The following ARHGAP15 variants were observed in gnomAD, a reference collection of about 807,000 sequenced individuals.
The protein encoded by ARHGAP15 is Rho GTPase activating protein 15.
ARHGAP15 carries 51 observed loss-of-function variants against 63.7 expected under a neutral mutation model. The ratio of observed to expected loss-of-function variants is 0.80; its 90% CI spans 0.64 to 1.01. The LOEUF is 1.01. Ranked by LOEUF, ARHGAP15 falls within the 50% of genes least tolerant of loss-of-function variation. The pLI, the probability that ARHGAP15 is intolerant of heterozygous loss-of-function variation, is 0.00. For synonymous variants in ARHGAP15, 191 were observed against 193.8 expected, an observed-to-expected ratio of 0.99 and a Z score of 0.12; for missense variants, 560 against 564.6, an observed-to-expected ratio of 0.99 and a Z score of 0.08.
At chr2:143,665,186 G>A (rs1414594996) in intron 12 of ARHGAP15, among the ~76,000 whole-genome samples, 7 of 148,080 alleles carry the variant, frequency 4.7e-5, no homozygotes, top group African/African-American at 7.5e-5. Context: ...CTGGCAAAAC[G>A]AATCCAGCAG....
intron 10 of ARHGAP15, among the ~76,000 whole-genome samples, chr2:143,537,979 A>G (rs1443449020): frequency 6.6e-6 from 1 of 152,102 alleles, no homozygotes; most frequent in African/African-American, 2.4e-5. Context: ...CAGTATGGCC[A>G]TTTTCACGAT....
intron 6 of ARHGAP15, among the ~76,000 whole-genome samples, chr2:143,427,489 T>G (rs1024856577): frequency 6.6e-6 from 1 of 151,980 alleles, no homozygotes; most frequent in Admixed American, 6.6e-5. Context: ...AATTTTGAAC[T>G]TATGTTCCAG....
At chr2:143,381,127 C>A (rs999741163) in intron 6 of ARHGAP15, among the ~76,000 whole-genome samples, 5 of 152,056 alleles carry the variant, frequency 3.3e-5, no homozygotes, top group Non-Finnish European at 5.9e-5. Flanking sequence ...AGTCTAGTTG[C>A]GTGTATTTAA....
intron 2 of ARHGAP15, among the ~76,000 whole-genome samples, chr2:143,156,276 G>A (rs1004870332): frequency 3.3e-5 from 5 of 151,796 alleles, no homozygotes; most frequent in Middle Eastern, 3.2e-3. Context: ...CACGCATCCT[G>A]AGCCACTAAA....
intron 10 of ARHGAP15, among the ~76,000 whole-genome samples, chr2:143,520,857 T>G (rs970279024): frequency 8.5e-5 from 13 of 152,264 alleles, no homozygotes; most frequent in Non-Finnish European, 1.6e-4. Flanking sequence ...TAATAAGATG[T>G]GTGCATGTGT....
At chr2:143,563,471 CA>C (rs1696105982) in intron 11 of ARHGAP15, among the ~76,000 whole-genome samples, 1 of 152,030 alleles carries the variant, frequency 6.6e-6, no homozygotes, top group African/African-American at 2.4e-5. Context: ...TTCTTGGACA[CA>C]AAAAAGAAAA....
At chr2:143,486,904 A>G (rs979124684) in intron 8 of ARHGAP15, among the ~76,000 whole-genome samples, 2 of 152,216 alleles carry the variant, frequency 1.3e-5, no homozygotes, top group African/African-American at 2.4e-5. Context: ...AAATCACTTC[A>G]GGTTAATATA....
At chr2:143,739,612 C>A (rs1312142031) in intron 13 of ARHGAP15, among the ~76,000 whole-genome samples, 1 of 152,186 alleles carries the variant, frequency 6.6e-6, no homozygotes. Context: ...TTGATATTTT[C>A]TTGAGGTATT....
intron 9 of ARHGAP15, among the ~76,000 whole-genome samples, chr2:143,499,968 T>C (rs1038136299): frequency 6.6e-6 from 1 of 152,082 alleles, no homozygotes. Flanking sequence ...GCAATACTTA[T>C]ATAAAACAGG....
At chr2:143,133,670 A>C (rs1258930364) in intron 1 of ARHGAP15, among the ~76,000 whole-genome samples, 1 of 152,214 alleles carries the variant, frequency 6.6e-6, no homozygotes, top group African/African-American at 2.4e-5. Flanking sequence ...ATTTAAGAAT[A>C]GATGATATAG....
At chr2:143,285,340 T>C (rs1430671197) in intron 6 of ARHGAP15, among the ~76,000 whole-genome samples, 2 of 152,058 alleles carry the variant, frequency 1.3e-5, no homozygotes, top group Non-Finnish European at 2.9e-5. Context: ...TACTAAAACA[T>C]TAAGATATAT....
chr2:143,511,849 T>C (rs1330133397), intron 9 of ARHGAP15, among the ~76,000 whole-genome samples: 1 of 152,216 alleles, frequency 6.6e-6, no homozygotes, highest in Non-Finnish European at 1.5e-5. Flanking sequence ...AGCACTTAAA[T>C]TCAACAATGA....
chr2:143,379,038 T>G (rs931384585), intron 6 of ARHGAP15, among the ~76,000 whole-genome samples: 4 of 152,028 alleles, frequency 2.6e-5, no homozygotes, highest in African/African-American at 7.2e-5. Context: ...AAGTTTTAAA[T>G]GGGAATTTCA....
At chr2:143,290,712 A>G (rs1682352390) in intron 6 of ARHGAP15, among the ~76,000 whole-genome samples, 2 of 152,152 alleles carry the variant, frequency 1.3e-5, no homozygotes, top group Admixed American at 1.3e-4. Flanking sequence ...TACACAATGT[A>G]GGAGGAGGAA....
intron 3 of ARHGAP15, among the ~76,000 whole-genome samples, chr2:143,212,586 A>G (rs1046793038): frequency 1.3e-5 from 2 of 152,320 alleles, no homozygotes; most frequent in African/African-American, 4.8e-5. Context: ...TAGAGCTGTA[A>G]GTAATTTTGT....
intron 6 of ARHGAP15, among the ~76,000 whole-genome samples, chr2:143,275,771 CTT>C (rs1681518637): frequency 1.3e-5 from 2 of 152,266 alleles, no homozygotes; most frequent in Admixed American, 1.3e-4. Flanking sequence ...TGTCTGTACT[CTT>C]TTGGTGATAT....
chr2:143,176,064 T>C (rs1305516901), intron 2 of ARHGAP15, among the ~76,000 whole-genome samples: 1 of 152,200 alleles, frequency 6.6e-6, no homozygotes, highest in East Asian at 1.9e-4. Context: ...ACGGTTATGC[T>C]TGAACACAAA....
At chr2:143,269,391 C>G (rs1432952360) in intron 6 of ARHGAP15, among the ~76,000 whole-genome samples, 2 of 152,158 alleles carry the variant, frequency 1.3e-5, no homozygotes, top group East Asian at 3.8e-4. Context: ...ACTTGCTCTT[C>G]AGTTCCTAAA....
At chr2:143,714,501 CA>C (rs1336041294) in intron 13 of ARHGAP15, among the ~76,000 whole-genome samples, 1 of 152,236 alleles carries the variant, frequency 6.6e-6, no homozygotes, top group East Asian at 1.9e-4. Flanking sequence ...GCTACTTATG[CA>C]AATTTCTGCA....
Sources: allele counts gnomAD v4.1 joint callset (sites outside exome capture counted in the v4.1 genomes callset), GRCh38; gene constraint gnomAD v4.1.1; transcripts MANE v1.5; gene names NCBI Gene and HGNC (gene_info 2026-07-23, HGNC 2026-07-21).